The following NXN variants were observed in gnomAD, a reference collection of about 807,000 sequenced individuals.
The protein encoded by NXN is nucleoredoxin.
Under a neutral mutation model 48.6 loss-of-function variants are expected in NXN, and 16 were observed. The observed-to-expected ratio is 0.33, with a 90% CI of 0.22 to 0.50. NXN has a LOEUF of 0.50. NXN is among the 20% of genes least tolerant of loss of function. NXN has a pLI of 0.98. For synonymous variants in NXN, 281 were observed against 269.6 expected, an observed-to-expected ratio of 1.04 and a Z score of -0.41; for missense variants, 492 against 605.5, an observed-to-expected ratio of 0.81 and a Z score of 1.97.
At chr17:925,533 C>A (rs967485883) in intron 1 of NXN, among the ~76,000 whole-genome samples, 1 of 152,160 alleles carries the variant, frequency 6.6e-6, no homozygotes, top group Admixed American at 6.5e-5. Context: ...GGATTACAGG[C>A]GCCCGCCACC....
At position 816,796 on chromosome 17, in the gene NXN, G is replaced by A. The variant is rs113716950; in HGVS notation, c.820+2643C>T. Among the ~76,000 whole-genome samples, 13 of 152,274 alleles carry A rather than the reference G, an allele frequency of 8.5e-5. 2 individuals carry two copies. The highest frequency in any genetic ancestry group is 3.1e-4 in the African/African-American group (13 of 41,548). ...AGCAATGAACGAATAAATGAATTAAGAGATGGGAAGCCCTCCTGACCCCCA... is the reference window on the plus strand; with the variant it reads ...AGCAATGAACGAATAAATGAATTAAAAGATGGGAAGCCCTCCTGACCCCCA... On this transcript the variant is annotated intron_variant, in intron 5 of 7. Coordinates refer to ENST00000336868, the MANE Select transcript of NXN (RefSeq NM_022463.5).
rs1056791740 is a variant in NXN at position 978,253 on chromosome 17, T to C, written c.360+1066A>G. 1 of 152,214 alleles carries C rather than the reference T, an allele frequency of 6.6e-6. No homozygotes were observed. Among genetic ancestry groups the C allele is most frequent in the Non-Finnish European group, 1.5e-5 (1 of 68,042 alleles). 9.4% of individuals were successfully genotyped at this position (152,214 alleles called of 1,614,324 possible). A position where few individuals can be genotyped will look rare whatever the true frequency, so the allele number is the denominator to read the frequency against. ...GGGGCTGGATTCACACGTTGCATCA[T>C]ATACACTCACGAAGCAACAGCGCTC... On this transcript the variant is annotated intron_variant, in intron 1 of 7. Coordinates refer to ENST00000336868, the MANE Select transcript of NXN (RefSeq NM_022463.5). This position sits in a 1 kb window ranked among gnomAD's most constrained non-coding sequence, Gnocchi z 4.1.
Position 956,276 on chromosome 17 carries a change from G to A in NXN, c.360+23043C>T, listed in dbSNP as rs923077761. Among the ~76,000 whole-genome samples the A allele has an allele frequency of 1.6e-4, 25 of 152,236 alleles. No homozygotes were observed. The highest frequency in any genetic ancestry group is 5.5e-4 in the African/African-American group (23 of 41,540). On this transcript the variant is annotated intron_variant, in intron 1 of 7. Transcript: ENST00000336868. The surrounding 1 kb of genome is among the most constrained non-coding windows in gnomAD (Gnocchi z 4.1). ...TATTTACTAATAAGAGGTGTCGAAC[G>A]TGTTAAGTAAGAAGGACACAAGGAG...
In NXN at chr17:812,745, AGT is replaced by A. The variant is rs567716326; in HGVS notation, c.820+6692_820+6693del. On this transcript the variant is annotated intron_variant, in intron 5 of 7. Coordinates refer to ENST00000336868, the MANE Select transcript of NXN (RefSeq NM_022463.5). ...AGGGTGTGTGAGTGTAGGGTGCGTG[AGT>A]GAGAGTGTGCATATGTGTGAGTGTA... 3.6e-4 allele frequency among the ~76,000 whole-genome samples: 39 copies of A among 106,918 alleles called. No homozygotes were observed. In the East Asian group the frequency reaches 6.3e-3, roughly 17 times the overall value. The allele number at this position is 106,918 out of a possible 152,430, so 70.1% of individuals were successfully genotyped here.
intron 1 of NXN, among the ~76,000 whole-genome samples, chr17:971,477 GAGGC>G (rs2069377374): frequency 6.6e-6 from 1 of 151,286 alleles, no homozygotes; most frequent in Non-Finnish European, 1.5e-5. Flanking sequence ...TTGGGAGGCC[GAGGC>G]AGGTGGATCA....
rs540588454 is a variant in NXN at position 962,149 on chromosome 17, G to A, written c.360+17170C>T. Among the ~76,000 whole-genome samples, 111 of 152,260 alleles carry A rather than the reference G, an allele frequency of 7.3e-4. 1 individual carries two copies. The highest frequency in any genetic ancestry group is 2.4e-3 in the African/African-American group (100 of 41,564). ...ATTCTGTCTCAAGAAAAGAAGAAAAGAAGGAACATTCAGGAAAACGGGGGA... is the reference window on the plus strand; with the variant it reads ...ATTCTGTCTCAAGAAAAGAAGAAAAAAAGGAACATTCAGGAAAACGGGGGA... On this transcript the variant is annotated intron_variant, in intron 1 of 7. Coordinates refer to ENST00000336868, the MANE Select transcript of NXN (RefSeq NM_022463.5).
At chr17:868,735 G>A (rs377225095) in intron 1 of NXN, among the ~76,000 whole-genome samples, 3 of 152,094 alleles carry the variant, frequency 2.0e-5, no homozygotes, top group East Asian at 1.9e-4. Flanking sequence ...CTCGTGATCC[G>A]CCCGCCTCGG....
intron 1 of NXN, among the ~76,000 whole-genome samples, chr17:841,270 G>T (rs1373176172): frequency 6.6e-6 from 1 of 152,230 alleles, no homozygotes; most frequent in African/African-American, 2.4e-5. Flanking sequence ...CCCGCATGCG[G>T]CCCTCACGCT....
chr17:864,030 G>A (rs1279471408), intron 1 of NXN: 2 of 1,529,606 alleles, frequency 1.3e-6, no homozygotes, highest in East Asian at 2.5e-5. Flanking sequence ...CTGGGTTCCG[G>A]TGAAGGGACA....
At chr17:868,966 G>A (rs1296870033) in intron 1 of NXN, among the ~76,000 whole-genome samples, 1 of 152,162 alleles carries the variant, frequency 6.6e-6, no homozygotes, top group Non-Finnish European at 1.5e-5. Flanking sequence ...CAGAAAACAC[G>A]GAGGCTGAGT....
chr17:951,807 T>C (rs1460261594), intron 1 of NXN, among the ~76,000 whole-genome samples: 3 of 152,102 alleles, frequency 2.0e-5, no homozygotes, highest in Non-Finnish European at 4.4e-5. Flanking sequence ...GGTATTTCCC[T>C]GGGAGAGCCA....
chr17:834,989 C>G (rs1231414933), intron 1 of NXN, among the ~76,000 whole-genome samples: 5 of 151,810 alleles, frequency 3.3e-5, no homozygotes, highest in African/African-American at 9.6e-5. Flanking sequence ...CCACAGCCAC[C>G]CAAAGGCCAC....
chr17:888,269 A>T (rs1356011822), intron 1 of NXN, among the ~76,000 whole-genome samples: 1 of 152,184 alleles, frequency 6.6e-6, no homozygotes, highest in Non-Finnish European at 1.5e-5. Context: ...CTCAGGCTGG[A>T]GTGCAGGGGT....
intron 1 of NXN, among the ~76,000 whole-genome samples, chr17:912,058 C>T (rs895481706): frequency 5.3e-5 from 8 of 152,046 alleles, no homozygotes; most frequent in Middle Eastern, 3.4e-3. Context: ...CTGCCTCAGC[C>T]TCCCAAGTAG....
In NXN at chr17:823,840, G is replaced by A. The variant is rs549580607; in HGVS notation, c.479-75C>T. On this transcript the variant is annotated intron_variant, in intron 2 of 7. Transcript: ENST00000336868. ...CCTGGGACCCAGGAGACTTCAGAGC[G>A]GTTAAGACTCTTCTTGATGACCTGG... 105 of 1,511,048 alleles carry A rather than the reference G, an allele frequency of 6.9e-5. No homozygotes were observed. In the East Asian group the frequency reaches 8.4e-4, roughly 12 times the overall value. 93.6% of individuals were successfully genotyped at this position (1,511,048 alleles called of 1,614,324 possible).
intron 1 of NXN, among the ~76,000 whole-genome samples, chr17:964,270 G>A (rs982770149): frequency 2.6e-5 from 4 of 152,100 alleles, no homozygotes; most frequent in South Asian, 2.1e-4. Flanking sequence ...AACACACACC[G>A]TGTTTTGTTG....
chr17:956,363 C>T lies in NXN; in HGVS notation c.360+22956G>A, dbSNP rs529554986. Among the ~76,000 whole-genome samples, 12 of 152,218 alleles carry T rather than the reference C, an allele frequency of 7.9e-5. No individual in the cohort carries two copies. The East Asian group carries it at 2.3e-3, about 29-fold the overall frequency. On this transcript the variant is annotated intron_variant, in intron 1 of 7. Transcript: ENST00000336868. The surrounding 1 kb of genome is among the most constrained non-coding windows in gnomAD (Gnocchi z 4.1). ...TCTCGTGGAACAGAACAGTGGTCAC[C>T]GTCTTCTGGCCTTTTCCTCTGTGCC...
intron 5 of NXN, among the ~76,000 whole-genome samples, chr17:805,958 G>T (rs994696409): frequency 6.6e-6 from 1 of 152,138 alleles, no homozygotes; most frequent in African/African-American, 2.4e-5. Context: ...GTCAAACACG[G>T]AACAGGCAGT....
At chr17:947,808 C>A (rs9915563) in intron 1 of NXN, among the ~76,000 whole-genome samples, 2,722 of 144,522 alleles carry the variant, frequency 0.019, 97 homozygotes, top group African/African-American at 0.067. Flanking sequence ...GAGGCCGAGG[C>A]GAGCTGACTG....
Sources: allele counts gnomAD v4.1 joint callset (sites outside exome capture counted in the v4.1 genomes callset), GRCh38; gene constraint gnomAD v4.1.1; non-coding constraint Gnocchi (gnomAD v3.1); transcripts MANE v1.5; gene names NCBI Gene and HGNC (gene_info 2026-07-23, HGNC 2026-07-21).